ADGRB3: variants seen among roughly 807,000 people sequenced by gnomAD.
The protein encoded by ADGRB3 is brain-specific angiogenesis inhibitor 3.
In ADGRB3, 37 loss-of-function variants were observed where a neutral mutation model predicts 193.4. The ratio of observed to expected loss-of-function variants is 0.19; its 90% CI spans 0.15 to 0.25. The LOEUF (loss-of-function observed/expected upper bound fraction) is 0.25. ADGRB3 is among the 10% of genes least tolerant of loss of function. ADGRB3 has a pLI of 1.00. For missense variants in ADGRB3, 1,637 were observed against 1,852.9 expected (o/e 0.88, Z 2.14); for synonymous variants, 690 against 644.2 (o/e 1.07, Z -1.08).
At chr6:68,933,488 G>C (rs539875891) in intron 4 of ADGRB3, among the ~76,000 whole-genome samples, 9 of 152,284 alleles carry the variant, frequency 5.9e-5, no homozygotes, top group Middle Eastern at 3.4e-3. Context: ...AGCTACTCAG[G>C]AGGCTGAGGC....
Position 68,635,383 on chromosome 6 carries a change from G to C in ADGRB3, c.-805G>C, listed in dbSNP as rs1767920777. ...TTCAAACAGCTTTCCGACATCACCA[G>C]CCAAGGATTTTTTTCCCCGCTCTCC... is the stretch of plus-strand genomic sequence containing the variant. On this transcript the variant is annotated 5_prime_UTR_variant, in exon 1 of 32. Transcript: ENST00000370598. 2.6e-5 allele frequency: 4 copies of C among 152,260 alleles called. 1 individual carries two copies. The highest frequency in any genetic ancestry group is 9.7e-5 in the African/African-American group (4 of 41,388). 9.4% of individuals were successfully genotyped at this position (152,260 alleles called of 1,614,324 possible).
chr6:69,195,197 A>G (rs1215741634), intron 17 of ADGRB3, among the ~76,000 whole-genome samples: 4 of 152,090 alleles, frequency 2.6e-5, no homozygotes, highest in Non-Finnish European at 5.9e-5. Flanking sequence ...GAAATATTTC[A>G]AAATTGTACC....
intron 3 of ADGRB3, among the ~76,000 whole-genome samples, chr6:68,839,949 C>CA (rs1268821657): frequency 2.0e-5 from 3 of 152,066 alleles, no homozygotes; most frequent in Non-Finnish European, 4.4e-5. Flanking sequence ...TTAGTCCTTT[C>CA]CTTTTACAGT....
chr6:69,325,609 T>C (rs1768550530), intron 21 of ADGRB3, among the ~76,000 whole-genome samples: 1 of 152,162 alleles, frequency 6.6e-6, no homozygotes, highest in African/African-American at 2.4e-5. Flanking sequence ...CATGGACATC[T>C]CAAAGATCTA....
At chr6:69,234,623 A>C (rs1221967544) in intron 18 of ADGRB3, among the ~76,000 whole-genome samples, 1 of 152,184 alleles carries the variant, frequency 6.6e-6, no homozygotes, top group Admixed American at 6.5e-5. Flanking sequence ...AGTAGCATCT[A>C]GATAAATTTT....
chr6:68,732,061 A>G (rs895222774), intron 3 of ADGRB3, among the ~76,000 whole-genome samples: 3 of 151,830 alleles, frequency 2.0e-5, no homozygotes, highest in African/African-American at 7.2e-5. Flanking sequence ...TTATTATTAC[A>G]TCTTATAATA....
intron 20 of ADGRB3, among the ~76,000 whole-genome samples, chr6:69,317,042 G>A (rs1413495100): frequency 6.6e-6 from 1 of 151,396 alleles, no homozygotes; most frequent in Non-Finnish European, 1.5e-5. Context: ...GGAAGCTTTG[G>A]GACTGGCAGG....
intron 31 of ADGRB3, among the ~76,000 whole-genome samples, chr6:69,383,179 C>G (rs1295742537): frequency 6.6e-6 from 1 of 151,928 alleles, no homozygotes; most frequent in East Asian, 1.9e-4. Flanking sequence ...AGTTTTATAT[C>G]AAAACTATAT....
intron 17 of ADGRB3, among the ~76,000 whole-genome samples, chr6:69,165,846 T>C (rs1775117211): frequency 6.6e-6 from 1 of 152,104 alleles, no homozygotes; most frequent in Admixed American, 6.6e-5. Flanking sequence ...TCTATAAGGG[T>C]ATTGTTTTTA....
Position 69,067,177 on chromosome 6 carries a change from G to A in ADGRB3, c.2436+4141G>A, listed in dbSNP as rs1582435876. Among the ~76,000 whole-genome samples, 5 of 151,878 alleles carry A rather than the reference G, an allele frequency of 3.3e-5. No homozygotes were observed. The South Asian group carries it at 1.0e-3, about 32-fold the overall frequency. ...TGGCTTTTAAATTTTTTTTCCTCTG[G>A]GCATCAACTCCAAATGGTATAGGTA... On this transcript the variant is annotated intron_variant, in intron 16 of 31. Transcript: ENST00000370598.
chr6:68,888,400 A>T (rs1765972769), intron 3 of ADGRB3, among the ~76,000 whole-genome samples: 1 of 152,118 alleles, frequency 6.6e-6, no homozygotes, highest in Admixed American at 6.6e-5. Context: ...TGTGGAAGAG[A>T]GAGAAATCAC....
chr6:69,002,419 A>C (rs191617747), intron 11 of ADGRB3, among the ~76,000 whole-genome samples: 23 of 152,188 alleles, frequency 1.5e-4, no homozygotes, highest in Admixed American at 7.2e-4. Context: ...GGATTTCGCC[A>C]TGTTGGCCAC....
At chr6:68,990,165 C>G (rs1474162433) in intron 10 of ADGRB3, among the ~76,000 whole-genome samples, 1 of 151,946 alleles carries the variant, frequency 6.6e-6, no homozygotes. Flanking sequence ...GCAGATAAAC[C>G]TGGACATGTC....
At chr6:68,776,540 G>T (rs184090354) in intron 3 of ADGRB3, among the ~76,000 whole-genome samples, 13 of 152,092 alleles carry the variant, frequency 8.5e-5, no homozygotes, top group Admixed American at 5.2e-4. Flanking sequence ...TCTGCTAAAT[G>T]CAGACTCCCA....
At position 68,960,518 on chromosome 6, in the gene ADGRB3, C is replaced by T. The variant is rs532976168; in HGVS notation, c.1525+3709C>T. On this transcript the variant is annotated intron_variant, in intron 8 of 31. Transcript: ENST00000370598. ...GTGATCCCCATCCCCACCCTGCTTA[C>T]GAAAAATGTGATTCTGGAAGTGACG... Among the ~76,000 whole-genome samples, 70 of 152,190 alleles carry T rather than the reference C, an allele frequency of 4.6e-4. 1 individual carries two copies. The highest frequency in any genetic ancestry group is 2.3e-3 in the South Asian group (11 of 4,820).
chr6:69,170,076 G>C (rs141514525), intron 17 of ADGRB3, among the ~76,000 whole-genome samples: 6 of 152,224 alleles, frequency 3.9e-5, no homozygotes, highest in African/African-American at 1.4e-4. Flanking sequence ...GAGAAGTTTT[G>C]CATAGATTTT....
At chr6:69,002,639 G>C (rs973328873) in intron 11 of ADGRB3, among the ~76,000 whole-genome samples, 7 of 152,250 alleles carry the variant, frequency 4.6e-5, no homozygotes, top group African/African-American at 9.6e-5. Flanking sequence ...TTCTCCATTG[G>C]TTTTAATGCC....
intron 3 of ADGRB3, among the ~76,000 whole-genome samples, chr6:68,884,555 A>T (rs528029201): frequency 7.1e-4 from 108 of 152,232 alleles, no homozygotes; most frequent in Non-Finnish European, 1.4e-3. Context: ...TGAGACATGA[A>T]ATCACCCAGA....
At chr6:68,969,485 A>G (rs1222488786) in intron 8 of ADGRB3, among the ~76,000 whole-genome samples, 2 of 152,212 alleles carry the variant, frequency 1.3e-5, no homozygotes, top group South Asian at 4.1e-4. Flanking sequence ...CACTAAGCAC[A>G]GCTATCTTAG....
Sources: allele counts gnomAD v4.1 joint callset (sites outside exome capture counted in the v4.1 genomes callset), GRCh38; gene constraint gnomAD v4.1.1; transcripts MANE v1.5; gene names NCBI Gene and HGNC (gene_info 2026-07-23, HGNC 2026-07-21).